The following EDARADD variants were observed in gnomAD, a reference collection of about 807,000 sequenced individuals.
EDARADD encodes ectodysplasin-A receptor-associated adapter protein.
A neutral mutation model predicts 25.6 loss-of-function variants in EDARADD; 20 were observed. That is an observed-to-expected ratio of 0.78 (90% CI 0.55 to 1.14). EDARADD has a LOEUF of 1.14. EDARADD is among the 50% of genes most tolerant of loss of function. The probability of loss-of-function intolerance (pLI) is 0.00; values close to 1 mark genes in which losing one functional copy is unlikely to be tolerated. For synonymous variants in EDARADD, 86 were observed against 94.4 expected, an observed-to-expected ratio of 0.91 and a Z score of 0.52; for missense variants, 225 against 270.1, an observed-to-expected ratio of 0.83 and a Z score of 1.17.
At chr1:236,376,467 A>G (rs1443837548) in intron 3 of EDARADD, among the ~76,000 whole-genome samples, 2 of 152,150 alleles carry the variant, frequency 1.3e-5, no homozygotes, top group Non-Finnish European at 2.9e-5. Context: ...TTCTCTTTCA[A>G]TAACACTTTA....
chr1:236,466,254 C>G (rs1487713661), intron 4 of EDARADD, among the ~76,000 whole-genome samples: 2 of 152,178 alleles, frequency 1.3e-5, no homozygotes, highest in Non-Finnish European at 2.9e-5. Context: ...AGGCGGGTCT[C>G]CACATGACCT....
In EDARADD at chr1:236,447,169, CCTCTTTCTTTCTTTCT is replaced by C. The variant is rs1658568871; in HGVS notation, c.219+19720_219+19735del. Among the ~76,000 whole-genome samples, 4 of 98,850 alleles carry C rather than the reference CCTCTTTCTTTCTTTCT, an allele frequency of 4.0e-5. 1 individual carries two copies. The highest frequency in any genetic ancestry group is 1.8e-4 in the African/African-American group (4 of 22,320). 64.8% of individuals were successfully genotyped at this position (98,850 alleles called of 152,430 possible). A position where few individuals can be genotyped will look rare whatever the true frequency, so the allele number is the denominator to read the frequency against. ...TCCTTCCTTCCTCCCTCCCTCCCTC[CCTCTTTCTTTCTTTCT>C]TTCTTTCTTTCTTTCTTTCTTTCTT... On this transcript the variant is annotated intron_variant, in intron 4 of 5. Coordinates refer to ENST00000334232, the MANE Select transcript of EDARADD (RefSeq NM_145861.4).
At chr1:236,453,277 T>TC (rs1491295073) in intron 4 of EDARADD, among the ~76,000 whole-genome samples, 5 of 144,942 alleles carry the variant, frequency 3.4e-5, no homozygotes, top group Non-Finnish European at 7.5e-5. Flanking sequence ...ATTCTTTTTT[T>TC]CTTTTTTTTT....
chr1:236,442,413 A>G (rs958965343), intron 4 of EDARADD, among the ~76,000 whole-genome samples: 1 of 152,242 alleles, frequency 6.6e-6, no homozygotes, highest in Non-Finnish European at 1.5e-5. Context: ...GGTGTGAGCC[A>G]CTGTGCCTGG....
intron 3 of EDARADD, among the ~76,000 whole-genome samples, chr1:236,357,668 T>C (rs1008409695): frequency 1.3e-4 from 20 of 151,584 alleles, no homozygotes; most frequent in African/African-American, 4.8e-4. Flanking sequence ...CAGCAAGAGG[T>C]GCCACAGACT....
At chr1:236,447,228 TCTTTC>T (rs1658582520) in intron 4 of EDARADD, among the ~76,000 whole-genome samples, 41 of 124,210 alleles carry the variant, frequency 3.3e-4, no homozygotes, top group Non-Finnish European at 4.3e-4. Context: ...TTCTTTCCTT[TCTTTC>T]CTTTCTTTCC....
intron 3 of EDARADD, among the ~76,000 whole-genome samples, chr1:236,374,730 T>C (rs1481828386): frequency 6.6e-6 from 1 of 151,948 alleles, no homozygotes; most frequent in Non-Finnish European, 1.5e-5. Context: ...TATTTTCACT[T>C]TCTTTTGATT....
intron 3 of EDARADD, among the ~76,000 whole-genome samples, chr1:236,379,934 C>A (rs1667279162): frequency 6.6e-6 from 1 of 152,096 alleles, no homozygotes; most frequent in African/African-American, 2.4e-5. Flanking sequence ...CCAGGTATAA[C>A]TTGCTTATTT....
chr1:236,427,375 C>CTTTT lies in EDARADD; in HGVS notation c.161-9_161-6dup. 1 of 1,155,162 alleles carries CTTTT rather than the reference C, an allele frequency of 8.7e-7. No homozygotes were observed. Among genetic ancestry groups the CTTTT allele is most frequent in the Non-Finnish European group, 1.2e-6 (1 of 828,106 alleles). The allele number at this position is 1,155,162 out of a possible 1,614,324, so 71.6% of individuals were successfully genotyped here. ...TCACACTTTGTTTCTTTCTTTCTTT[C>CTTTT]TTTTTTTTTTTCCTAGCTGAAGAAT... On this transcript the variant is annotated splice_polypyrimidine_tract_variant and intron_variant, in intron 3 of 5. Transcript: ENST00000334232.
chr1:236,354,333 T>C (rs1045859676), intron 3 of EDARADD, among the ~76,000 whole-genome samples: 2 of 152,106 alleles, frequency 1.3e-5, no homozygotes, highest in African/African-American at 4.8e-5. Context: ...ATGTCAGATA[T>C]ACTTGGGTTC....
At chr1:236,362,841 A>G (rs946755991) in intron 3 of EDARADD, among the ~76,000 whole-genome samples, 4 of 150,726 alleles carry the variant, frequency 2.7e-5, no homozygotes, top group Non-Finnish European at 4.4e-5. Context: ...CCAAAAACCT[A>G]TTGTCGATTT....
At chr1:236,481,718 G>T (rs929983877) in intron 5 of EDARADD, among the ~76,000 whole-genome samples, 20 of 150,208 alleles carry the variant, frequency 1.3e-4, no homozygotes, top group African/African-American at 4.9e-5. Flanking sequence ...GGCGGAGGTT[G>T]CAGTGAGCCG....
At chr1:236,388,425 T>C (rs1667381899) in intron 3 of EDARADD, among the ~76,000 whole-genome samples, 1 of 152,236 alleles carries the variant, frequency 6.6e-6, no homozygotes, top group Non-Finnish European at 1.5e-5. Flanking sequence ...CAAGAAAGTC[T>C]TGTTAATTTG....
intron 5 of EDARADD, among the ~76,000 whole-genome samples, chr1:236,481,512 C>T (rs1023730736): frequency 2.0e-5 from 3 of 151,530 alleles, no homozygotes; most frequent in African/African-American, 4.9e-5. Flanking sequence ...CTTGTAATCC[C>T]AGCACTTTGG....
At chr1:236,382,461 A>G (rs1338240193) in intron 3 of EDARADD, among the ~76,000 whole-genome samples, 2 of 152,194 alleles carry the variant, frequency 1.3e-5, no homozygotes, top group East Asian at 1.9e-4. Flanking sequence ...GTCTGTTTCA[A>G]TTGACCAGTT....
rs956560100 is a variant in EDARADD, at chr1:236,483,911, C to G, written c.*1262C>G. ...TCGTCAGCATGGACGTAGAGGCCTCCGAGTTCTTCAGGTCTGGAAAGTATG... is the reference window on the plus strand; with the variant it reads ...TCGTCAGCATGGACGTAGAGGCCTCGGAGTTCTTCAGGTCTGGAAAGTATG... On this transcript the variant is annotated 3_prime_UTR_variant, in exon 6 of 6. Transcript: ENST00000334232. 1 of 1,375,626 alleles carries G rather than the reference C, an allele frequency of 7.3e-7. No individual in the cohort carries two copies. Among genetic ancestry groups the G allele is most frequent in the South Asian group, 1.2e-5 (1 of 86,006 alleles). The allele number at this position is 1,375,626 out of a possible 1,614,324, so 85.2% of individuals were successfully genotyped here. A position where few individuals can be genotyped will look rare whatever the true frequency, so the allele number is the denominator to read the frequency against.
intron 3 of EDARADD, among the ~76,000 whole-genome samples, chr1:236,351,755 G>T (rs547991075): frequency 6.6e-6 from 1 of 151,490 alleles, no homozygotes; most frequent in African/African-American, 2.4e-5. Context: ...AAAACAGGGA[G>T]ATTTATTGCA....
At chr1:236,362,902 A>T (rs1026516127) in intron 3 of EDARADD, among the ~76,000 whole-genome samples, 1 of 146,842 alleles carries the variant, frequency 6.8e-6, no homozygotes, top group Non-Finnish European at 1.5e-5. Context: ...GCAGTGGCTC[A>T]TGCCTGTAAT....
At chr1:236,479,504 G>GA (rs148705067) in intron 5 of EDARADD, among the ~76,000 whole-genome samples, 26,427 of 146,480 alleles carry the variant, frequency 0.18, 2,844 homozygotes, top group Middle Eastern at 0.27. Flanking sequence ...CAAAAAAAAA[G>GA]AAAAAAAAAA....
Sources: gnomAD v4.1 joint callset for allele counts (sites outside exome capture counted in the v4.1 genomes callset) on GRCh38, gnomAD v4.1.1 for gene constraint, MANE v1.5 for transcripts, NCBI Gene and HGNC (gene_info 2026-07-23, HGNC 2026-07-21) for gene names.